Variants in KIF21A observed in about 807,000 individuals in gnomAD.
KIF21A encodes kinesin-like protein KIF21A.
A neutral mutation model predicts 202.9 loss-of-function variants in KIF21A; 114 were observed. The observed-to-expected ratio is 0.56, with a 90% CI of 0.48 to 0.66. The LOEUF is 0.66. KIF21A is among the 30% of genes least tolerant of loss of function. The probability of loss-of-function intolerance (pLI) is 0.00; values close to 1 mark genes in which losing one functional copy is unlikely to be tolerated. For missense variants in KIF21A, 1,677 were observed against 1,994.9 expected (o/e 0.84, Z 3.04); for synonymous variants, 667 against 670.8 (o/e 0.99, Z 0.09).
chr12:39,439,792 T>C (rs1299219540), intron 1 of KIF21A, among the ~76,000 whole-genome samples: 1 of 152,140 alleles, frequency 6.6e-6, no homozygotes, highest in Non-Finnish European at 1.5e-5. Flanking sequence ...TTTTTGGAAA[T>C]TGAATAAAAA....
intron 7 of KIF21A, among the ~76,000 whole-genome samples, chr12:39,360,393 A>ATT (rs201499236): frequency 0.02 from 2,836 of 145,190 alleles, 86 homozygotes; most frequent in African/African-American, 0.064. Context: ...TAGAAATATG[A>ATT]TTTTTTTTTT....
At chr12:39,307,860 T>C in intron 33 of KIF21A, 131 bp from the exon 34 acceptor site, 2 of 719,074 alleles carry the variant, frequency 2.8e-6, no homozygotes, top group South Asian at 3.0e-5. Context: ...ATATGTATAC[T>C]ACCTAGCACA....
intron 1 of KIF21A, among the ~76,000 whole-genome samples, chr12:39,433,846 C>A (rs1173218205): frequency 6.6e-6 from 1 of 152,066 alleles, no homozygotes; most frequent in African/African-American, 2.4e-5. Context: ...GAATAAGGAT[C>A]TTGGAAGTAT....
At chr12:39,312,665 T>A (rs965018569) in intron 31 of KIF21A, 1 of 151,932 alleles carries the variant, frequency 6.6e-6, no homozygotes, top group Non-Finnish European at 1.5e-5. Flanking sequence ...CTGCAAAAAT[T>A]TAAAATAAAA....
intron 37 of KIF21A, among the ~76,000 whole-genome samples, chr12:39,296,110 C>T: frequency 6.7e-6 from 1 of 149,104 alleles, no homozygotes; most frequent in Middle Eastern, 3.5e-3. Context: ...ACTCTGTGGC[C>T]CAGGCTGGAG....
At chr12:39,368,892 A>G (rs1480330450) in intron 3 of KIF21A, among the ~76,000 whole-genome samples, 1 of 152,264 alleles carries the variant, frequency 6.6e-6, no homozygotes, top group African/African-American at 2.4e-5. Flanking sequence ...TGTCCACCAA[A>G]GTGCAATATT....
chr12:39,358,848 G>A (rs528866014), intron 7 of KIF21A, among the ~76,000 whole-genome samples: 272 of 152,202 alleles, frequency 1.8e-3, no homozygotes, highest in African/African-American at 5.8e-3. Flanking sequence ...CTTGTGTTTC[G>A]TTATATAAAC....
chr12:39,389,308 T>C (rs1183509963), intron 1 of KIF21A, among the ~76,000 whole-genome samples: 2 of 152,192 alleles, frequency 1.3e-5, no homozygotes, highest in Non-Finnish European at 2.9e-5. Context: ...AGTTCACATA[T>C]GCTTTTATGT....
At chr12:39,393,765 T>C (rs912300765) in intron 1 of KIF21A, among the ~76,000 whole-genome samples, 2 of 152,206 alleles carry the variant, frequency 1.3e-5, no homozygotes, top group African/African-American at 4.8e-5. Context: ...AGGGAACTAA[T>C]ACAGGTTGGA....
At chr12:39,431,467 G>A (rs1043814249) in intron 1 of KIF21A, among the ~76,000 whole-genome samples, 2 of 152,282 alleles carry the variant, frequency 1.3e-5, no homozygotes, top group South Asian at 4.1e-4. Context: ...AAAAGCACAG[G>A]AATAATTAAT....
At chr12:39,362,576 T>G (rs1008553657) in intron 7 of KIF21A, among the ~76,000 whole-genome samples, 1 of 152,096 alleles carries the variant, frequency 6.6e-6, no homozygotes, top group Non-Finnish European at 1.5e-5. Context: ...TTGGCAAAGT[T>G]AATAACCAGC....
At chr12:39,436,444 ATATATT>A (rs1433121799) in intron 1 of KIF21A, among the ~76,000 whole-genome samples, 7 of 113,568 alleles carry the variant, frequency 6.2e-5, no homozygotes, top group Admixed American at 3.4e-4. Flanking sequence ...ATATATATAT[ATATATT>A]TTTTTTTTTT....
At chr12:39,387,876 C>T (rs556032851) in intron 1 of KIF21A, among the ~76,000 whole-genome samples, 27 of 152,262 alleles carry the variant, frequency 1.8e-4, no homozygotes, top group African/African-American at 6.5e-4. Flanking sequence ...TGCTAAATGT[C>T]TCCCCAAATG....
intron 1 of KIF21A, among the ~76,000 whole-genome samples, chr12:39,413,108 T>C (rs965131894): frequency 2.6e-5 from 4 of 152,254 alleles, no homozygotes; most frequent in South Asian, 2.1e-4. Context: ...CTTTTAGGAA[T>C]GCCTCCTCTA....
At chr12:39,335,296 C>T (rs1279282318) in intron 17 of KIF21A, among the ~76,000 whole-genome samples, 1 of 151,510 alleles carries the variant, frequency 6.6e-6, no homozygotes, top group East Asian at 1.9e-4. Flanking sequence ...CCTGTAGTCC[C>T]AGCTGCTCAG....
rs551039273 is a variant in KIF21A at position 39,405,120 on chromosome 12, G to C, written c.45-34859C>G. Among the ~76,000 whole-genome samples the C allele has an allele frequency of 2.6e-5, 4 of 152,296 alleles. No individual in the cohort carries two copies. The South Asian group carries it at 8.3e-4, about 32-fold the overall frequency. On this transcript the variant is annotated intron_variant, in intron 1 of 37. Coordinates refer to ENST00000361418, the MANE Select transcript of KIF21A (RefSeq NM_001173464.2). ...TAATCCTAGCACTTTGGGAGGCTAA[G>C]GCAGATGGATCACCTGAGGTCAGGA...
intron 6 of KIF21A, among the ~76,000 whole-genome samples, chr12:39,365,806 T>C (rs1162226853): frequency 6.6e-6 from 1 of 152,174 alleles, no homozygotes; most frequent in African/African-American, 2.4e-5. Context: ...GCCCAGAAGT[T>C]TGAGACTAGC....
Position 39,333,041 on chromosome 12 carries a change from G to C in KIF21A, c.2554C>G (p.Leu852Val), listed in dbSNP as rs1300421030. 3.1e-6 allele frequency: 5 copies of C among 1,614,068 alleles called. No homozygotes were observed. The highest frequency in any genetic ancestry group is 4.2e-6 in the Non-Finnish European group (5 of 1,180,020). ...TGAGCAGGTGCATCAGATGAACTCA[G>C]CTTCCGAGTAACTTTCCCAGCCACT... The part of the protein sequence containing the change: ...DKVAGKVTRK[L>V]SSSDAPAQDT... The change falls in exon 19 of 38, where the codon CTG becomes GTG. Residue 852 changes from leucine (L) to valine (V), a missense_variant. Leu to Val is a conservative substitution (Grantham distance 32). Transcript: ENST00000361418.
intron 1 of KIF21A, among the ~76,000 whole-genome samples, chr12:39,418,858 A>C (rs2140185778): frequency 6.6e-6 from 1 of 152,298 alleles, no homozygotes; most frequent in African/African-American, 2.4e-5. Context: ...TTCAGGGAGG[A>C]ATTAACATTT....
Sources: gnomAD v4.1 joint callset for allele counts (sites outside exome capture counted in the v4.1 genomes callset) on GRCh38, gnomAD v4.1.1 for gene constraint, MANE v1.5 for transcripts, NCBI Gene and HGNC (gene_info 2026-07-23, HGNC 2026-07-21) for gene names.